The following EPHA6 variants were observed in gnomAD, a reference collection of about 807,000 sequenced individuals.
EPHA6 encodes EPH receptor A6.
Under a neutral mutation model 112.0 loss-of-function variants are expected in EPHA6, and 50 were observed. The observed-to-expected ratio is 0.45, with a 90% CI of 0.36 to 0.56. The LOEUF (loss-of-function observed/expected upper bound fraction) is 0.56. EPHA6 is among the 20% of genes least tolerant of loss of function. EPHA6 has a pLI of 0.00. For synonymous variants in EPHA6, 529 were observed against 490.7 expected (o/e 1.08, Z -1.03); for missense variants, 1,280 against 1,417.4 (o/e 0.90, Z 1.56).
chr3:97,187,394 A>C (rs2077169416), intron 3 of EPHA6, among the ~76,000 whole-genome samples: 1 of 151,766 alleles, frequency 6.6e-6, no homozygotes, highest in Non-Finnish European at 1.5e-5. Context: ...ATAAGGTGAA[A>C]CCCCATCTCT....
chr3:96,940,331 T>C (rs905035524), intron 2 of EPHA6, among the ~76,000 whole-genome samples: 15 of 152,212 alleles, frequency 9.9e-5, no homozygotes, highest in African/African-American at 3.6e-4. Context: ...CTTGTTGAAT[T>C]GATCCCTTTA....
intron 10 of EPHA6, among the ~76,000 whole-genome samples, chr3:97,487,659 A>G (rs1170758964): frequency 2.0e-5 from 3 of 152,182 alleles, no homozygotes; most frequent in Non-Finnish European, 4.4e-5. Flanking sequence ...CTGGTTTTTT[A>G]TAAGTTTTCT....
rs750037291 is a variant in EPHA6, at chr3:97,736,073, T to C, written c.3083T>C (p.Ile1028Thr). ...ATTGTCAGCTTCCTTGACAAACTGA[T>C]CCGAAATCCCAGTGCCCTTCACACC... The part of the protein sequence containing the change: ...TDIVSFLDKL[I>T]RNPSALHTLV... Residue 1028 changes from isoleucine (I) to threonine (T), a missense_variant, in exon 16 of 18, where the codon ATC becomes ACC. Around this residue, in one of 4 missense-constraint regions of EPHA6, gnomAD observed 145 missense variants for 153.3 expected, o/e 0.95. Coordinates refer to ENST00000389672, the MANE Select transcript of EPHA6 (RefSeq NM_001080448.3). 1.9e-6 allele frequency: 3 copies of C among 1,612,434 alleles called. No homozygotes were observed. The South Asian group carries it at 3.3e-5, about 18-fold the overall frequency.
At chr3:97,644,691 A>G (rs1468660445) in intron 14 of EPHA6, among the ~76,000 whole-genome samples, 4 of 150,292 alleles carry the variant, frequency 2.7e-5, no homozygotes, top group Non-Finnish European at 6.0e-5. Context: ...AATCTAGAAG[A>G]AATGGATAAA....
At chr3:97,264,318 T>A (rs1186577877) in intron 5 of EPHA6, among the ~76,000 whole-genome samples, 1 of 152,098 alleles carries the variant, frequency 6.6e-6, no homozygotes, top group Non-Finnish European at 1.5e-5. Flanking sequence ...GAGCATGGGG[T>A]CCGGCCATTG....
At chr3:96,835,939 T>C (rs2034383509) in intron 1 of EPHA6, among the ~76,000 whole-genome samples, 2 of 152,086 alleles carry the variant, frequency 1.3e-5, no homozygotes, top group Admixed American at 1.3e-4. Context: ...TTGCCAAGAA[T>C]GTCACAGTAT....
rs550153033 is a variant in EPHA6, at chr3:97,681,278, G to A, written c.2785-38983G>A. Among the ~76,000 whole-genome samples the A allele has an allele frequency of 3.9e-5, 6 of 152,206 alleles. No homozygotes were observed. In the South Asian group the frequency reaches 1.2e-3, roughly 32 times the overall value. Reference sequence around the variant, plus strand: ...AAGCACTTTCATACACTGTTGGTAAGAATATAAATTGATAAACCTGTTTTG... The same window carrying A: ...AAGCACTTTCATACACTGTTGGTAAAAATATAAATTGATAAACCTGTTTTG... On this transcript the variant is annotated intron_variant, in intron 14 of 17. Coordinates refer to ENST00000389672, the MANE Select transcript of EPHA6 (RefSeq NM_001080448.3).
At chr3:96,913,226 C>A (rs1205094291) in intron 2 of EPHA6, among the ~76,000 whole-genome samples, 1 of 150,044 alleles carries the variant, frequency 6.7e-6, no homozygotes, top group Admixed American at 6.7e-5. Flanking sequence ...CACACACGGG[C>A]ATGGTGACAC....
chr3:97,543,544 G>A (rs894681171), intron 11 of EPHA6, among the ~76,000 whole-genome samples: 2 of 152,134 alleles, frequency 1.3e-5, no homozygotes. Context: ...CTCCAGCTTT[G>A]TTCTTTTGGC....
chr3:97,641,779 A>C (rs1373381503), intron 14 of EPHA6, among the ~76,000 whole-genome samples: 2 of 152,250 alleles, frequency 1.3e-5, no homozygotes, highest in East Asian at 1.9e-4. Flanking sequence ...CACCTGGCTC[A>C]GAGGGTCCTA....
At chr3:97,032,171 A>G (rs2044879935) in intron 3 of EPHA6, among the ~76,000 whole-genome samples, 1 of 152,154 alleles carries the variant, frequency 6.6e-6, no homozygotes, top group Admixed American at 6.6e-5. Context: ...GCTGGAAACC[A>G]TCATTCTCAG....
chr3:97,402,810 C>T (rs999748679), intron 5 of EPHA6, among the ~76,000 whole-genome samples: 3 of 152,004 alleles, frequency 2.0e-5, no homozygotes, highest in African/African-American at 7.2e-5. Flanking sequence ...TTCTAAAGAC[C>T]TTATTTCCTT....
At chr3:97,615,434 C>T (rs2093757483) in intron 13 of EPHA6, among the ~76,000 whole-genome samples, 1 of 152,104 alleles carries the variant, frequency 6.6e-6, no homozygotes, top group South Asian at 2.1e-4. Context: ...ATACATAGCC[C>T]TGAAAAGGGA....
At chr3:97,282,803 AG>A (rs2080331502) in intron 5 of EPHA6, among the ~76,000 whole-genome samples, 1 of 152,202 alleles carries the variant, frequency 6.6e-6, no homozygotes, top group Non-Finnish European at 1.5e-5. Context: ...ACATGGACAC[AG>A]GGAGGGGAAC....
intron 1 of EPHA6, among the ~76,000 whole-genome samples, chr3:96,849,014 C>G (rs754415740): frequency 3.3e-5 from 5 of 151,956 alleles, no homozygotes; most frequent in African/African-American, 4.8e-5. Flanking sequence ...TGGAAATTTC[C>G]TAGGGGAAAA....
At chr3:97,610,905 A>G in intron 13 of EPHA6, 51 bp downstream of exon 13, 1 of 1,335,482 alleles carries the variant, frequency 7.5e-7, no homozygotes. Flanking sequence ...TCAGTTCTAT[A>G]TTTAAATCAT....
At chr3:96,978,420 T>C (rs915543978) in intron 2 of EPHA6, among the ~76,000 whole-genome samples, 1 of 152,154 alleles carries the variant, frequency 6.6e-6, no homozygotes, top group Non-Finnish European at 1.5e-5. Flanking sequence ...AAAGGAAAAG[T>C]ATGCCTGAAA....
At position 97,749,183 on chromosome 3, in the gene EPHA6, T is replaced by C. The variant is rs1449993917; in HGVS notation, c.*482T>C. 4.5e-6 allele frequency: 1 copy of C among 224,718 alleles called. No individual in the cohort carries two copies. Among genetic ancestry groups the C allele is most frequent in the Admixed American group, 5.6e-5 (1 of 17,778 alleles). The allele number at this position is 224,718 out of a possible 1,614,324, so 13.9% of individuals were successfully genotyped here. ...TCAGCTCTATTGGTTGTATTATTAC[T>C]TTATTTTTTAATACTTTAACTGTTG... On this transcript the variant is annotated 3_prime_UTR_variant, in exon 18 of 18. Transcript: ENST00000389672.
chr3:97,072,012 C>T (rs934745057), intron 3 of EPHA6, among the ~76,000 whole-genome samples: 2 of 151,928 alleles, frequency 1.3e-5, no homozygotes, highest in African/African-American at 4.8e-5. Flanking sequence ...AAATAATGGT[C>T]TCCAATTTGA....
Sources: allele counts gnomAD v4.1 joint callset (sites outside exome capture counted in the v4.1 genomes callset), GRCh38; gene constraint gnomAD v4.1.1; regional missense constraint gnomAD v4.1.1; transcripts MANE v1.5; gene names NCBI Gene and HGNC (gene_info 2026-07-23, HGNC 2026-07-21).